CREBRF: variants seen among roughly 807,000 people sequenced by gnomAD.
CREBRF encodes UPF0474 protein C5orf41.
In CREBRF, 5 loss-of-function variants were observed where a neutral mutation model predicts 66.1. The observed-to-expected ratio is 0.08, with a 90% confidence interval of 0.04 to 0.16. CREBRF has a LOEUF of 0.16. CREBRF is among the 10% of genes least tolerant of loss of function. The pLI, the probability that CREBRF is intolerant of heterozygous loss-of-function variation, is 1.00. For synonymous variants in CREBRF, 229 were observed against 264.4 expected (o/e 0.87, Z 1.30); for missense variants, 531 against 744.9 (o/e 0.71, Z 3.34).
Position 173,133,943 on chromosome 5 carries a change from T to C in CREBRF, c.*198T>C, listed in dbSNP as rs1759531353. ...TGCATTTTCAGAGCATAAACCATGA[T>C]TAAAACTGCTACTGGCATCAGAATT... On this transcript the variant is annotated 3_prime_UTR_variant, in exon 9 of 9. Transcript: ENST00000296953. 2 of 387,532 alleles carry C rather than the reference T, an allele frequency of 5.2e-6. No individual in the cohort carries two copies. Among genetic ancestry groups the C allele is most frequent in the South Asian group, 4.5e-5 (1 of 22,214 alleles). 24.0% of individuals were successfully genotyped at this position (387,532 alleles called of 1,614,324 possible). A position where few individuals can be genotyped will look rare whatever the true frequency, so the allele number is the denominator to read the frequency against.
chr5:173,135,254 T>A lies in CREBRF; in HGVS notation c.*1509T>A, dbSNP rs1315340924. The A allele has an allele frequency of 6.6e-6, 1 of 152,528 alleles. No individual in the cohort carries two copies. Among genetic ancestry groups the A allele is most frequent in the Non-Finnish European group, 1.5e-5 (1 of 67,942 alleles). 9.4% of individuals were successfully genotyped at this position (152,528 alleles called of 1,614,324 possible). The stretch of plus-strand genomic sequence containing the variant: ...TATTTTCAAACTAGCTTCTTCAAAC[T>A]TAACATGTGACTTATTCTTCTATAG... On this transcript the variant is annotated 3_prime_UTR_variant, in exon 9 of 9. Transcript: ENST00000296953.
chr5:173,071,538 C>T (rs532656093), intron 1 of CREBRF, among the ~76,000 whole-genome samples: 1 of 151,712 alleles, frequency 6.6e-6, no homozygotes, highest in Non-Finnish European at 1.5e-5. Flanking sequence ...GAGACTAGGT[C>T]TCACTTTGTG....
chr5:173,110,804 G>A (rs1046438289), intron 6 of CREBRF, 93 bp downstream of exon 6: 9 of 844,354 alleles, frequency 1.1e-5, no homozygotes, highest in South Asian at 2.1e-5. Context: ...CAAAGAAATT[G>A]TATTTTTCTT....
chr5:173,103,316 G>A (rs1396104726), intron 4 of CREBRF, among the ~76,000 whole-genome samples: 1 of 152,186 alleles, frequency 6.6e-6, no homozygotes, highest in Non-Finnish European at 1.5e-5. Context: ...TGAGCAGCAT[G>A]CTTTCACCAC....
Position 173,127,162 on chromosome 5 carries a change from CT to C in CREBRF, c.1804+3980del, listed in dbSNP as rs70984944. Reference sequence around the variant, plus strand: ...TTTAAATGGGTTGGAGTTTCTTTTTCTTTTTTTTTTTTTTTTTTTTGAGACA... The same window carrying C: ...TTTAAATGGGTTGGAGTTTCTTTTTCTTTTTTTTTTTTTTTTTTTGAGACA... On this transcript the variant is annotated intron_variant, in intron 8 of 8. Transcript: ENST00000296953. 9.9e-3 allele frequency among the ~76,000 whole-genome samples: 1,131 copies of C among 114,568 alleles called. 12 individuals carry two copies. The highest frequency in any genetic ancestry group is 0.024 in the African/African-American group (730 of 30,008). 75.2% of individuals were successfully genotyped at this position (114,568 alleles called of 152,430 possible). A position where few individuals can be genotyped will look rare whatever the true frequency, so the allele number is the denominator to read the frequency against.
At chr5:173,098,478 A>G (rs1387686842) in intron 4 of CREBRF, among the ~76,000 whole-genome samples, 2 of 152,224 alleles carry the variant, frequency 1.3e-5, no homozygotes, top group Non-Finnish European at 2.9e-5. Context: ...GTATTATTTC[A>G]GTCTTCTTAA....
intron 7 of CREBRF, among the ~76,000 whole-genome samples, chr5:173,121,502 T>G (rs1320479119): frequency 1.3e-5 from 2 of 151,924 alleles, no homozygotes; most frequent in Non-Finnish European, 2.9e-5. Context: ...TTTTGTATTT[T>G]TAGTAGAGAC....
At chr5:173,089,129 A>G (rs375694950) in intron 3 of CREBRF, among the ~76,000 whole-genome samples, 3 of 149,864 alleles carry the variant, frequency 2.0e-5, no homozygotes, top group African/African-American at 7.4e-5. Flanking sequence ...GTGAGCCAAG[A>G]TCGCGCCACT....
At position 173,110,731 on chromosome 5, in the gene CREBRF, A is replaced by T; in HGVS notation, c.1607+20A>T. The T allele has an allele frequency of 1.9e-6, 3 of 1,583,316 alleles. No homozygotes were observed. The highest frequency in any genetic ancestry group is 2.6e-6 in the Non-Finnish European group (3 of 1,167,436). ...TTCCAGGTAAATGCTAATAATGTTCACTCATGTGAAGAAAGTTTAGGAGGT... is the reference window on the plus strand; with the variant it reads ...TTCCAGGTAAATGCTAATAATGTTCTCTCATGTGAAGAAAGTTTAGGAGGT... On this transcript the variant is annotated intron_variant, in intron 6 of 8. Transcript: ENST00000296953.
chr5:173,103,891 A>T (rs948091293), intron 4 of CREBRF, among the ~76,000 whole-genome samples: 5 of 152,202 alleles, frequency 3.3e-5, no homozygotes, highest in African/African-American at 1.2e-4. Flanking sequence ...TAAATGTGGT[A>T]TTTGTTACTT....
chr5:173,101,894 T>C (rs1758638278), intron 4 of CREBRF, among the ~76,000 whole-genome samples: 1 of 152,176 alleles, frequency 6.6e-6, no homozygotes, highest in Non-Finnish European at 1.5e-5. Context: ...TCTCTTTCTT[T>C]ACTCTTTTCA....
chr5:173,071,671 C>G (rs1323750428), intron 1 of CREBRF, among the ~76,000 whole-genome samples: 1 of 151,876 alleles, frequency 6.6e-6, no homozygotes, highest in Non-Finnish European at 1.5e-5. Context: ...TGGACATTAT[C>G]CAAGAAATGT....
rs70984937 is a variant in CREBRF, at chr5:173,082,908, C to CAA, written c.9+2161_9+2162dup. Among the ~76,000 whole-genome samples the CAA allele has an allele frequency of 7.0e-3, 204 of 29,014 alleles. 54 individuals carry two copies. Among genetic ancestry groups the CAA allele is most frequent in the East Asian group, 0.041 (16 of 386 alleles). The allele number at this position is 29,014 out of a possible 152,430, so 19.0% of individuals were successfully genotyped here. A position where few individuals can be genotyped will look rare whatever the true frequency, so the allele number is the denominator to read the frequency against. On this transcript the variant is annotated intron_variant, in intron 2 of 8. Transcript: ENST00000296953. ...TGAGCGACGGAGCGAGACTCTGTCT[C>CAA]AAAAAAAAAAAAAAAAAAAAAAAAA...
At chr5:173,065,671 T>TTC (rs1757415553) in intron 1 of CREBRF, among the ~76,000 whole-genome samples, 1 of 42,950 alleles carries the variant, frequency 2.3e-5, no homozygotes, top group African/African-American at 5.8e-5. Flanking sequence ...TCTTCTTCTT[T>TTC]TTTTTTTTTT....
At chr5:173,086,422 G>T (rs1758150149) in intron 2 of CREBRF, 79 bp from the exon 3 acceptor site, 2 of 1,242,874 alleles carry the variant, frequency 1.6e-6, no homozygotes, top group East Asian at 2.3e-5. Flanking sequence ...CTTAGTGGGG[G>T]TGGGGTTGGG....
chr5:173,090,796 A>C lies in CREBRF; in HGVS notation c.617A>C (p.Lys206Thr). The part of the protein sequence containing the change: ...PLSDCVQKAS[K>T]PTSSTQIMVK... ...TCAGACTGTGTCCAAAAAGCAAGTA[A>C]ACCCACTTCAAGCACACAAATCATG... The change falls in exon 4 of 9, where the codon AAA becomes ACA. Residue 206 changes from lysine (K) to threonine (T), a missense_variant. By Grantham distance (78) the Lys-to-Thr change is moderately conservative (BLOSUM62 -1). Coordinates refer to ENST00000296953, the MANE Select transcript of CREBRF (RefSeq NM_153607.3). The surrounding 1 kb of genome is among the most constrained non-coding windows in gnomAD (Gnocchi z 4.5). 1 of 1,614,176 alleles carries C rather than the reference A, an allele frequency of 6.2e-7. No individual in the cohort carries two copies. Among genetic ancestry groups the C allele is most frequent in the Non-Finnish European group, 8.5e-7 (1 of 1,180,042 alleles).
chr5:173,110,274 G>A, intron 5 of CREBRF: 5 of 567,178 alleles, frequency 8.8e-6, no homozygotes, highest in South Asian at 8.3e-5. Flanking sequence ...GAAGCCTAGG[G>A]TAGGGAAGAA....
chr5:173,066,903 C>T (rs1189932815), intron 1 of CREBRF, among the ~76,000 whole-genome samples: 2 of 145,910 alleles, frequency 1.4e-5, no homozygotes, highest in Middle Eastern at 3.6e-3. Context: ...TATCCTTGAC[C>T]TCCTGGGCTA....
intron 4 of CREBRF, chr5:173,092,111 A>G (rs928707711): frequency 3.3e-5 from 27 of 812,672 alleles, no homozygotes; most frequent in Admixed American, 1.2e-4. Context: ...AAATAAAAAT[A>G]TTACTGTTTA....
Sources: gnomAD v4.1 joint callset for allele counts (sites outside exome capture counted in the v4.1 genomes callset) on GRCh38, gnomAD v4.1.1 for gene constraint, Gnocchi (gnomAD v3.1) non-coding constraint, MANE v1.5 for transcripts, NCBI Gene and HGNC (gene_info 2026-07-23, HGNC 2026-07-21) for gene names.